FAM13A: variants seen among roughly 807,000 people sequenced by gnomAD.
FAM13A encodes protein FAM13A.
FAM13A carries 76 observed loss-of-function variants against 129.6 expected under a neutral mutation model. The ratio of observed to expected loss-of-function variants is 0.59; its 90% confidence interval spans 0.49 to 0.71. The LOEUF (loss-of-function observed/expected upper bound fraction) is 0.71, where lower values mean the gene tolerates loss of function less well. FAM13A is among the 30% of genes least tolerant of loss of function. FAM13A has a pLI of 0.00. For synonymous variants in FAM13A, 443 were observed against 449.9 expected (o/e 0.98, Z 0.20); for missense variants, 1,108 against 1,249.3 (o/e 0.89, Z 1.70).
rs536399927 is a variant in FAM13A, at chr4:88,870,310, G to C, written c.844-19127C>G. ...ACAGTGGGTGCAGCCCACGGAGGGC[G>C]AGCTGAAGCAGGGCAGGGCATCGCC... On this transcript the variant is annotated intron_variant, in intron 6 of 23. Coordinates refer to ENST00000264344, the MANE Select transcript of FAM13A (RefSeq NM_014883.4). Among the ~76,000 whole-genome samples, 5 of 152,290 alleles carry C rather than the reference G, an allele frequency of 3.3e-5. No homozygotes were observed. The East Asian group carries it at 7.7e-4, about 24-fold the overall frequency.
At chr4:88,827,799 A>C (rs1385323296) in intron 7 of FAM13A, among the ~76,000 whole-genome samples, 1 of 152,216 alleles carries the variant, frequency 6.6e-6, no homozygotes, top group Non-Finnish European at 1.5e-5. Flanking sequence ...ACTATTAGTC[A>C]ACATCCTACC....
chr4:88,768,767 C>T (rs1004696640), intron 11 of FAM13A, among the ~76,000 whole-genome samples: 1 of 151,898 alleles, frequency 6.6e-6, no homozygotes, highest in Non-Finnish European at 1.5e-5. Flanking sequence ...AGACAGAAAA[C>T]CTAATTTGAA....
chr4:88,882,947 T>C (rs1466502984), intron 6 of FAM13A, among the ~76,000 whole-genome samples: 1 of 152,118 alleles, frequency 6.6e-6, no homozygotes, highest in Non-Finnish European at 1.5e-5. Context: ...AAAGGACTTG[T>C]TCAACAGGAA....
chr4:88,976,816 T>C (rs949800848), intron 4 of FAM13A, among the ~76,000 whole-genome samples: 31 of 143,660 alleles, frequency 2.2e-4, no homozygotes, highest in Non-Finnish European at 3.7e-4. Flanking sequence ...ATAGTGTATC[T>C]TTATTGTACC....
intron 3 of FAM13A, among the ~76,000 whole-genome samples, chr4:89,003,763 T>C (rs1037418164): frequency 6.6e-6 from 1 of 152,228 alleles, no homozygotes; most frequent in Non-Finnish European, 1.5e-5. Context: ...ATTTGTGATA[T>C]ATCAATATTC....
intron 8 of FAM13A, among the ~76,000 whole-genome samples, chr4:88,793,445 TG>T (rs1207154049): frequency 6.6e-6 from 1 of 152,068 alleles, no homozygotes; most frequent in East Asian, 1.9e-4. Context: ...TAAAGTGTGA[TG>T]TTTTTAATAG....
chr4:89,002,140 G>A (rs1400320804), intron 3 of FAM13A, among the ~76,000 whole-genome samples: 1 of 116,626 alleles, frequency 8.6e-6, no homozygotes, highest in East Asian at 2.6e-4. Flanking sequence ...TGAAATGACA[G>A]TAAAATAATA....
At chr4:88,901,996 A>T (rs1164462537) in intron 6 of FAM13A, among the ~76,000 whole-genome samples, 2 of 152,198 alleles carry the variant, frequency 1.3e-5, no homozygotes, top group Non-Finnish European at 2.9e-5. Context: ...CACATAAACT[A>T]GAAAATCTAG....
chr4:88,761,076 G>T (rs1166497778), intron 13 of FAM13A, among the ~76,000 whole-genome samples: 5 of 152,188 alleles, frequency 3.3e-5, no homozygotes, highest in African/African-American at 1.2e-4. Flanking sequence ...GCAGACCTGG[G>T]TTTGAAGCGT....
intron 4 of FAM13A, among the ~76,000 whole-genome samples, chr4:88,947,676 CTT>C (rs568560540): frequency 6.8e-6 from 1 of 147,212 alleles, no homozygotes; most frequent in Admixed American, 6.8e-5. Flanking sequence ...TTCTTTAGTC[CTT>C]TTTTTTTTGC....
intron 10 of FAM13A, among the ~76,000 whole-genome samples, chr4:88,782,103 T>C (rs767332285): frequency 6.6e-6 from 1 of 152,118 alleles, no homozygotes; most frequent in Non-Finnish European, 1.5e-5. Flanking sequence ...ATAAAAACTA[T>C]GGAATACAAA....
At chr4:88,911,813 C>T (rs773430420) in intron 5 of FAM13A, among the ~76,000 whole-genome samples, 1 of 152,186 alleles carries the variant, frequency 6.6e-6, no homozygotes, top group Non-Finnish European at 1.5e-5. Flanking sequence ...AAAGATACTT[C>T]CTTAATCCTA....
chr4:88,997,170 T>G (rs1763655792), intron 3 of FAM13A, among the ~76,000 whole-genome samples: 1 of 152,234 alleles, frequency 6.6e-6, no homozygotes, highest in South Asian at 2.1e-4. Flanking sequence ...ATATGTTAAC[T>G]GCTTTAAACT....
intron 13 of FAM13A, among the ~76,000 whole-genome samples, chr4:88,760,266 T>C (rs898368394): frequency 3.3e-5 from 5 of 152,186 alleles, no homozygotes; most frequent in African/African-American, 1.2e-4. Context: ...TGGGATAAAA[T>C]GAAATACCAT....
At chr4:88,874,366 G>A (rs985828025) in intron 6 of FAM13A, among the ~76,000 whole-genome samples, 1 of 152,186 alleles carries the variant, frequency 6.6e-6, no homozygotes, top group Non-Finnish European at 1.5e-5. Flanking sequence ...GTTTGCAGAT[G>A]ACATGATTGT....
chr4:88,927,192 C>A (rs749059753), intron 5 of FAM13A, among the ~76,000 whole-genome samples: 9 of 151,226 alleles, frequency 6.0e-5, no homozygotes, highest in Non-Finnish European at 7.4e-5. Flanking sequence ...TAAATATATT[C>A]CTATGTATAT....
chr4:88,924,697 G>A (rs1470521814), intron 5 of FAM13A, among the ~76,000 whole-genome samples: 1 of 152,056 alleles, frequency 6.6e-6, no homozygotes, highest in Non-Finnish European at 1.5e-5. Flanking sequence ...AGCCAAAATT[G>A]ACAAATGGGA....
At chr4:88,802,689 C>T (rs982819775) in intron 8 of FAM13A, among the ~76,000 whole-genome samples, 1 of 152,160 alleles carries the variant, frequency 6.6e-6, no homozygotes, top group African/African-American at 2.4e-5. Flanking sequence ...TTCCTGCATC[C>T]CTTTCTTCTC....
intron 1 of FAM13A, among the ~76,000 whole-genome samples, chr4:89,047,336 A>G (rs908035063): frequency 6.6e-6 from 1 of 152,038 alleles, no homozygotes; most frequent in Non-Finnish European, 1.5e-5. Context: ...GCAGTTCCTC[A>G]TTTTATACTC....
Sources: gnomAD v4.1 joint callset for allele counts (sites outside exome capture counted in the v4.1 genomes callset) on GRCh38, gnomAD v4.1.1 for gene constraint, MANE v1.5 for transcripts, NCBI Gene and HGNC (gene_info 2026-07-23, HGNC 2026-07-21) for gene names.